The following MANBA variants were observed in gnomAD, a reference collection of about 807,000 sequenced individuals.
The protein encoded by MANBA is beta-mannosidase.
Under a neutral mutation model 111.1 loss-of-function variants are expected in MANBA, and 83 were observed. That is an observed-to-expected ratio of 0.75 (90% CI 0.63 to 0.90). The LOEUF (loss-of-function observed/expected upper bound fraction) is 0.90. Ranked by LOEUF, MANBA falls within the 40% of genes least tolerant of loss-of-function variation. MANBA has a pLI of 0.00. For missense variants in MANBA, 1,036 were observed against 1,069.0 expected (o/e 0.97, Z 0.43); for synonymous variants, 370 against 378.7 (o/e 0.98, Z 0.27).
intron 1 of MANBA, among the ~76,000 whole-genome samples, chr4:102,760,086 G>T (rs866766670): frequency 2.3e-4 from 27 of 116,686 alleles, no homozygotes; most frequent in South Asian, 2.2e-3. Flanking sequence ...GACTCCATTG[G>T]GATACACACA....
At chr4:102,657,656 C>T in intron 12 of MANBA, 26 bp downstream of exon 12, 1 of 1,538,930 alleles carries the variant, frequency 6.5e-7, no homozygotes, top group East Asian at 2.2e-5. Flanking sequence ...CATTCTGAAA[C>T]ATTAGAAAAT....
intron 13 of MANBA, 43 bp downstream of exon 13, chr4:102,650,494 T>G: frequency 6.4e-7 from 1 of 1,554,318 alleles, no homozygotes; most frequent in South Asian, 1.1e-5. Context: ...TCTCTTACAT[T>G]AATTGCAGGA....
At chr4:102,690,072 C>T (rs1258350757) in intron 6 of MANBA, among the ~76,000 whole-genome samples, 1 of 151,992 alleles carries the variant, frequency 6.6e-6, no homozygotes, top group Non-Finnish European at 1.5e-5. Flanking sequence ...ATCTCAACAG[C>T]TACTGAATGT....
chr4:102,757,329 CAAA>C (rs1195923041), intron 1 of MANBA, among the ~76,000 whole-genome samples: 1 of 127,564 alleles, frequency 7.8e-6, no homozygotes, highest in African/African-American at 2.9e-5. Flanking sequence ...AACTCCGTCT[CAAA>C]AAAAAAAAAA....
chr4:102,674,012 C>G lies in MANBA; in HGVS notation c.1019G>C (p.Ser340Thr). The G allele has an allele frequency of 1.2e-6, 2 of 1,606,744 alleles. No homozygotes were observed. The highest frequency in any genetic ancestry group is 1.7e-6 in the Non-Finnish European group (2 of 1,173,312). Reference sequence around the variant, plus strand: ...AAATCCATTAATTTTGAAATAGAAACTCAAACCAGGAGACCCTTTTATAGG... The same window carrying G: ...AAATCCATTAATTTTGAAATAGAAAGTCAAACCAGGAGACCCTTTTATAGG... ...EEPIKGSPGL[S>T]FYFKINGFPI... Residue 340 changes from serine (S) to threonine (T), a missense_variant, in exon 8 of 17, where the codon AGT becomes ACT. Coordinates refer to ENST00000647097, the MANE Select transcript of MANBA (RefSeq NM_005908.4).
At chr4:102,736,852 G>T (rs1723233584) in intron 1 of MANBA, among the ~76,000 whole-genome samples, 1 of 152,192 alleles carries the variant, frequency 6.6e-6, no homozygotes, top group Non-Finnish European at 1.5e-5. Context: ...CAAGTGGTTT[G>T]CCACTGCAAA....
At position 102,669,017 on chromosome 4, in the gene MANBA, A is replaced by C. The variant is rs2110220928; in HGVS notation, c.1263T>G (p.Leu421=). ...CCAGGAAGCCCTGATCAGTTGGATA[A>C]AGGGCACAGGCAAACATAAAATCCT... ...VWQDFMFACA[L]YPTDQGFLDS... is the part of the protein sequence containing the mutation. Residue 421 remains leucine (L), a synonymous_variant, in exon 10 of 17, where the codon CTT becomes CTG. Transcript: ENST00000647097. 6.2e-7 allele frequency: 1 copy of C among 1,613,754 alleles called. No individual in the cohort carries two copies. The highest frequency in any genetic ancestry group is 2.2e-5 in the East Asian group (1 of 44,880).
At chr4:102,722,432 T>C (rs1241208468) in intron 4 of MANBA, 1 of 194,098 alleles carries the variant, frequency 5.2e-6, no homozygotes, top group African/African-American at 2.4e-5. Flanking sequence ...TTGTGGACTT[T>C]GTTATCTTTT....
chr4:102,749,508 T>C (rs983818621), intron 1 of MANBA, among the ~76,000 whole-genome samples: 2 of 152,274 alleles, frequency 1.3e-5, no homozygotes, highest in African/African-American at 4.8e-5. Context: ...ATTGTACTCA[T>C]GTCTCTATTT....
rs1012586608 is a variant in MANBA, at chr4:102,664,770, T to C, written c.1400A>G (p.Tyr467Cys). Residue 467 changes from tyrosine (Y) to cysteine (C), a missense_variant, in exon 11 of 17, where the codon TAT becomes TGT. Tyr to Cys is a radical substitution (Grantham distance 194). Transcript: ENST00000647097. ...TGGCCGGTCAGTGAAACTGATATGA[T>C]ACCAATTCATCATCAGCGCCTCCTC... ...ENEEALMMNW[Y>C]HISFTDRPIY... 1.9e-6 allele frequency: 3 copies of C among 1,609,896 alleles called. No homozygotes were observed. Among genetic ancestry groups the C allele is most frequent in the Non-Finnish European group, 2.6e-6 (3 of 1,176,226 alleles).
At chr4:102,660,539 C>T (rs543664497) in intron 11 of MANBA, among the ~76,000 whole-genome samples, 45 of 152,078 alleles carry the variant, frequency 3.0e-4, no homozygotes, top group South Asian at 6.2e-4. Flanking sequence ...ACTGCAGCCT[C>T]GACCTTCTGG....
At chr4:102,636,150 T>C in intron 14 of MANBA, 143 bp from the exon 15 acceptor site, 1 of 739,436 alleles carries the variant, frequency 1.4e-6, no homozygotes, top group Non-Finnish European at 2.4e-6. Context: ...GCACCCATGT[T>C]TGTGAAGCGC....
rs1206093557 is a variant in MANBA at position 102,635,960 on chromosome 4, A to C, written c.2062T>G (p.Phe688Val). The change falls in exon 15 of 17, where the codon TTT becomes GTT. Residue 688 changes from phenylalanine to valine, a missense_variant. Physicochemically the swap from Phe to Val is conservative, Grantham distance 50. Coordinates refer to ENST00000647097, the MANE Select transcript of MANBA (RefSeq NM_005908.4). ...KMLHYFAQNF[F>V]APLLPVGFEN... ...AAGCCTACTGGCAACAGTGGAGCAA[A>C]GAAATTCTGAGCAAAGTAATGAAGC... 2 of 1,613,436 alleles carry C rather than the reference A, an allele frequency of 1.2e-6. No homozygotes were observed. Among genetic ancestry groups the C allele is most frequent in the Admixed American group, 1.7e-5 (1 of 60,032 alleles).
intron 10 of MANBA, chr4:102,666,779 G>A (rs1255884287): frequency 1.3e-5 from 2 of 152,188 alleles, no homozygotes; most frequent in African/African-American, 4.8e-5. Flanking sequence ...CACAGTTACA[G>A]AAAACAAATT....
chr4:102,760,849 T>G lies in MANBA; in HGVS notation c.46A>C (p.Thr16Pro). 1 of 1,571,320 alleles carries G rather than the reference T, an allele frequency of 6.4e-7. No individual in the cohort carries two copies. The highest frequency in any genetic ancestry group is 8.6e-7 in the Non-Finnish European group (1 of 1,159,310). ...LLLLALCGAG[T>P]TAAELSYSLR... The stretch of plus-strand genomic sequence containing the variant: ...CTGTAACTGAGCTCCGCGGCGGTGG[T>G]GCCTGCACCGCACAGCGCGAGCAGC... The change falls in exon 1 of 17, where the codon ACC becomes CCC. Residue 16 changes from threonine to proline, a missense_variant. Transcript: ENST00000647097.
intron 11 of MANBA, chr4:102,659,115 T>A (rs1730800342): frequency 6.6e-6 from 1 of 152,130 alleles, no homozygotes; most frequent in South Asian, 2.1e-4. Flanking sequence ...ATACAACAAA[T>A]CTCTTTTGAG....
At chr4:102,668,638 G>T (rs968863392) in intron 10 of MANBA, 14 of 289,574 alleles carry the variant, frequency 4.8e-5, no homozygotes, top group African/African-American at 2.9e-4. Flanking sequence ...TTGGGGAGGG[G>T]GTGCAATATA....
At chr4:102,724,428 G>A (rs553897132) in intron 2 of MANBA, among the ~76,000 whole-genome samples, 4 of 152,030 alleles carry the variant, frequency 2.6e-5, no homozygotes, top group East Asian at 3.9e-4. Context: ...GCGTGGTGGC[G>A]GGTGCCTGTA....
intron 7 of MANBA, among the ~76,000 whole-genome samples, chr4:102,682,435 T>C (rs963662511): frequency 1.4e-4 from 21 of 152,122 alleles, no homozygotes; most frequent in African/African-American, 4.8e-4. Flanking sequence ...ACTTACTGTC[T>C]GCACCTAGGG....
Sources: gnomAD v4.1 joint callset for allele counts (sites outside exome capture counted in the v4.1 genomes callset) on GRCh38, gnomAD v4.1.1 for gene constraint, MANE v1.5 for transcripts, NCBI Gene and HGNC (gene_info 2026-07-23, HGNC 2026-07-21) for gene names.